The following LGALS8 variants were observed in gnomAD, a reference collection of about 807,000 sequenced individuals.
LGALS8 encodes galectin 8.
A neutral mutation model predicts 35.9 loss-of-function variants in LGALS8; 30 were observed. That is an observed-to-expected ratio of 0.83 (90% CI 0.62 to 1.13). The LOEUF (loss-of-function observed/expected upper bound fraction) is 1.13, where lower values mean the gene tolerates loss of function less well. Ranked by LOEUF, LGALS8 falls within the 50% of genes most tolerant of loss-of-function variation. The pLI is 0.00. For missense variants in LGALS8, 366 were observed against 388.7 expected (o/e 0.94, Z 0.49); for synonymous variants, 138 against 136.1 (o/e 1.01, Z -0.10).
In LGALS8 at chr1:236,551,979, G is replaced by A. The variant is rs750543395; in HGVS notation, c.*3818G>A. The A allele has an allele frequency of 4.9e-6, 7 of 1,425,320 alleles. No individual in the cohort carries two copies. Among genetic ancestry groups the A allele is most frequent in the Non-Finnish European group, 6.9e-6 (7 of 1,010,546 alleles). 88.3% of individuals were successfully genotyped at this position (1,425,320 alleles called of 1,614,324 possible). A position where few individuals can be genotyped will look rare whatever the true frequency, so the allele number is the denominator to read the frequency against. Reference sequence around the variant, plus strand: ...ATTATTCCTTAATTGTTTAATGGTTGGGAATAGTTTGGGAATTACCTTCCA... The same window carrying A: ...ATTATTCCTTAATTGTTTAATGGTTAGGAATAGTTTGGGAATTACCTTCCA... On this transcript the variant is annotated 3_prime_UTR_variant, in exon 10 of 10. Transcript: ENST00000366584.
At chr1:236,543,202 A>C (rs994957771) in intron 7 of LGALS8, 6 of 666,550 alleles carry the variant, frequency 9.0e-6, no homozygotes, top group Non-Finnish European at 1.6e-5. Context: ...CCTCTGAGCC[A>C]TTCCTGTGTA....
chr1:236,518,700 G>C (rs1191670156), upstream of LGALS8, among the ~76,000 whole-genome samples: 6 of 151,830 alleles, frequency 4.0e-5, no homozygotes, highest in East Asian at 9.6e-4. Flanking sequence ...ACGGAGTTCT[G>C]GTTTCTAAAT....
chr1:236,547,358 T>C (rs1662431901), intron 9 of LGALS8, among the ~76,000 whole-genome samples: 1 of 136,066 alleles, frequency 7.3e-6, no homozygotes, highest in Admixed American at 7.3e-5. Context: ...GATCTGAATT[T>C]GTAGTATGTG....
chr1:236,548,199 A>C lies in LGALS8; in HGVS notation c.*38A>C, dbSNP rs774672038. 6.3e-7 allele frequency: 1 copy of C among 1,582,796 alleles called. No homozygotes were observed. Among genetic ancestry groups the C allele is most frequent in the East Asian group, 2.3e-5 (1 of 43,718 alleles). On this transcript the variant is annotated 3_prime_UTR_variant, in exon 10 of 10. Transcript: ENST00000366584. ...GCTGCTACAAAAACCAAAATACAGA[A>C]TGGCTTCTGTGATACTGGCCTTGCT...
chr1:236,548,555 T>C lies in LGALS8; in HGVS notation c.*394T>C. On this transcript the variant is annotated 3_prime_UTR_variant, in exon 10 of 10. Coordinates refer to ENST00000366584, the MANE Select transcript of LGALS8 (RefSeq NM_201544.4). ...GTGAAACAAACCAGTATGTTCCCTG[T>C]TCTCTTGAGCTTCGACTCTTCTGTG... is the stretch of plus-strand genomic sequence containing the variant. 1 of 253,674 alleles carries C rather than the reference T, an allele frequency of 3.9e-6. No homozygotes were observed. Among genetic ancestry groups the C allele is most frequent in the African/African-American group, 2.2e-5 (1 of 45,284 alleles). The allele number at this position is 253,674 out of a possible 1,614,324, so 15.7% of individuals were successfully genotyped here.
chr1:236,532,827 A>C (rs1661224605), intron 2 of LGALS8, among the ~76,000 whole-genome samples: 1 of 150,924 alleles, frequency 6.6e-6, no homozygotes, highest in Non-Finnish European at 1.5e-5. Context: ...CTGGGCAACA[A>C]AAGTGAAACT....
At chr1:236,535,672 C>G (rs2103083905) in intron 2 of LGALS8, among the ~76,000 whole-genome samples, 1 of 152,324 alleles carries the variant, frequency 6.6e-6, no homozygotes, top group Middle Eastern at 3.4e-3. Flanking sequence ...ATCAGATACT[C>G]TGATGTGCAG....
At chr1:236,519,530 C>A (rs1441260223), upstream of LGALS8, among the ~76,000 whole-genome samples, 1 of 152,180 alleles carries the variant, frequency 6.6e-6, no homozygotes, top group Non-Finnish European at 1.5e-5. Context: ...GCATAACTCT[C>A]AGGCAGTTGT....
In LGALS8 at chr1:236,551,976, GTTGGGAATAGT is replaced by G. The variant is rs746275960; in HGVS notation, c.*3824_*3834del. On this transcript the variant is annotated 3_prime_UTR_variant, in exon 10 of 10. Coordinates refer to ENST00000366584, the MANE Select transcript of LGALS8 (RefSeq NM_201544.4). ...TGAATTATTCCTTAATTGTTTAATG[GTTGGGAATAGT>G]TTGGGAATTACCTTCCATCAACTCT... 27 of 1,411,606 alleles carry G rather than the reference GTTGGGAATAGT, an allele frequency of 1.9e-5. No individual in the cohort carries two copies. In the East Asian group the frequency reaches 4.8e-4, roughly 25 times the overall value. 87.4% of individuals were successfully genotyped at this position (1,411,606 alleles called of 1,614,324 possible).
At chr1:236,519,640 G>A (rs749538093), upstream of LGALS8, among the ~76,000 whole-genome samples, 19 of 152,258 alleles carry the variant, frequency 1.2e-4, no homozygotes, top group East Asian at 1.9e-3. Flanking sequence ...TCCTCTCCAC[G>A]GATCATTCAC....
At chr1:236,539,128 G>C in intron 4 of LGALS8, 39 bp downstream of exon 4, 2 of 1,513,444 alleles carry the variant, frequency 1.3e-6, no homozygotes, top group Non-Finnish European at 1.8e-6. Context: ...CCTCATTAGT[G>C]AGCAGGAGTG....
rs1244032598 is a variant in LGALS8, at chr1:236,548,386, T to C, written c.*225T>C. 1.9e-6 allele frequency: 1 copy of C among 520,142 alleles called. No homozygotes were observed. Among genetic ancestry groups the C allele is most frequent in the Non-Finnish European group, 3.4e-6 (1 of 291,942 alleles). 32.2% of individuals were successfully genotyped at this position (520,142 alleles called of 1,614,324 possible). ...AACACTTATAGCCAGTTAAAGCCAC[T>C]CTGCCCTCTCTCCTACTTTGGCTGA... is the stretch of plus-strand genomic sequence containing the variant. On this transcript the variant is annotated 3_prime_UTR_variant, in exon 10 of 10. Coordinates refer to ENST00000366584, the MANE Select transcript of LGALS8 (RefSeq NM_201544.4).
At chr1:236,547,737 G>C (rs1296479302) in intron 9 of LGALS8, among the ~76,000 whole-genome samples, 2 of 152,192 alleles carry the variant, frequency 1.3e-5, no homozygotes, top group Admixed American at 1.3e-4. Flanking sequence ...AGGGAGAGGG[G>C]CTGTGTTGAG....
At position 236,541,375 on chromosome 1, in the gene LGALS8, A is replaced by G. The variant is rs118025753; in HGVS notation, c.466-279A>G. On this transcript the variant is annotated intron_variant, in intron 5 of 9. Transcript: ENST00000366584. ...AACACATGACTGTCTTTGCATTGAA[A>G]ATTTTGATAGATACTAACTCGCCCT... 4.8e-4 allele frequency: 138 copies of G among 287,354 alleles called. No homozygotes were observed. In the East Asian group the frequency reaches 0.01, roughly 21 times the overall value. The allele number at this position is 287,354 out of a possible 1,614,324, so 17.8% of individuals were successfully genotyped here.
chr1:236,542,360 T>A (rs766110099), intron 6 of LGALS8: 4 of 223,992 alleles, frequency 1.8e-5, no homozygotes, highest in Non-Finnish European at 2.6e-5. Context: ...CGCATGGCTG[T>A]GATCCCAGCT....
intron 9 of LGALS8, among the ~76,000 whole-genome samples, chr1:236,546,005 G>A (rs1377722019): frequency 6.6e-6 from 1 of 152,182 alleles, no homozygotes; most frequent in Admixed American, 6.5e-5. Flanking sequence ...TGGGTGACAG[G>A]AAACCAATGA....
chr1:236,539,284 T>A, intron 4 of LGALS8, 195 bp downstream of exon 4: 1 of 583,390 alleles, frequency 1.7e-6, no homozygotes, highest in Non-Finnish European at 3.1e-6. Context: ...TCCAGCCAGT[T>A]GTTGCCATGC....
chr1:236,531,587 A>C (rs1185775164), intron 2 of LGALS8, among the ~76,000 whole-genome samples: 1 of 152,066 alleles, frequency 6.6e-6, no homozygotes, highest in Non-Finnish European at 1.5e-5. Flanking sequence ...AGCCTCCCAA[A>C]GTGCTGGGAT....
upstream of LGALS8, among the ~76,000 whole-genome samples, chr1:236,518,691 C>T (rs562528552): frequency 2.6e-5 from 4 of 152,058 alleles, no homozygotes; most frequent in Non-Finnish European, 4.4e-5. Context: ...GGTTCTGTGA[C>T]GGAGTTCTGG....
Sources: allele counts gnomAD v4.1 joint callset (sites outside exome capture counted in the v4.1 genomes callset), GRCh38; gene constraint gnomAD v4.1.1; transcripts MANE v1.5; gene names NCBI Gene and HGNC (gene_info 2026-07-23, HGNC 2026-07-21).